Variants in ROBO1 observed in about 807,000 individuals in gnomAD.
ROBO1 encodes roundabout guidance receptor 1.
Under a neutral mutation model 195.9 loss-of-function variants are expected in ROBO1, and 149 were observed. The observed-to-expected ratio is 0.76, with a 90% confidence interval of 0.67 to 0.87. ROBO1 has a LOEUF of 0.87. Among genes scored for constraint, ROBO1 ranks in the 40% least tolerant of loss-of-function variants. ROBO1 has a pLI of 0.00. For synonymous variants in ROBO1, 816 were observed against 733.2 expected (o/e 1.11, Z -1.82); for missense variants, 1,933 against 2,068.3 (o/e 0.93, Z 1.27).
chr3:79,428,821 C>T (rs2038558299), intron 2 of ROBO1, among the ~76,000 whole-genome samples: 1 of 151,460 alleles, frequency 6.6e-6, no homozygotes, highest in Non-Finnish European at 1.5e-5. Flanking sequence ...ACATGCAACA[C>T]CATGGATGGA....
intron 3 of ROBO1, among the ~76,000 whole-genome samples, chr3:79,017,726 C>A (rs1315518682): frequency 6.6e-6 from 1 of 152,050 alleles, no homozygotes; most frequent in Non-Finnish European, 1.5e-5. Flanking sequence ...TCCTAAACAT[C>A]CCAAATTCAG....
chr3:79,464,177 G>C (rs937802526), intron 2 of ROBO1, among the ~76,000 whole-genome samples: 1 of 152,120 alleles, frequency 6.6e-6, no homozygotes, highest in African/African-American at 2.4e-5. Context: ...CCAGTTAATT[G>C]ATACTTGGGT....
At chr3:78,772,433 A>G (rs957589452) in intron 4 of ROBO1, among the ~76,000 whole-genome samples, 2 of 152,146 alleles carry the variant, frequency 1.3e-5, no homozygotes, top group African/African-American at 4.8e-5. Flanking sequence ...AAAAGGACGT[A>G]ACTAAAAATA....
chr3:78,699,475 A>G (rs2081372848), intron 8 of ROBO1, among the ~76,000 whole-genome samples: 2 of 149,808 alleles, frequency 1.3e-5, no homozygotes, highest in Admixed American at 6.7e-5. Context: ...AGGCTGAGGT[A>G]GGAGAATTGC....
At position 78,659,947 on chromosome 3, in the gene ROBO1, G is replaced by A. The variant is rs1707287892; in HGVS notation, c.2321-140C>T. The A allele has an allele frequency of 1.0e-5, 5 of 500,792 alleles. 1 individual carries two copies. In the South Asian group the frequency reaches 1.3e-4, roughly 13 times the overall value. The allele number at this position is 500,792 out of a possible 1,614,324, so 31.0% of individuals were successfully genotyped here. A position where few individuals can be genotyped will look rare whatever the true frequency, so the allele number is the denominator to read the frequency against. On this transcript the variant is annotated intron_variant, in intron 16 of 30. Transcript: ENST00000464233. ...TTTTTTTTTTTTTTTTTGAGACGGA[G>A]GCTCGCTCTGTCATCTAGGCTGTAG...
intron 22 of ROBO1, among the ~76,000 whole-genome samples, chr3:78,638,201 GTGTGTATATATA>G (rs1559679757): frequency 3.6e-5 from 5 of 139,670 alleles, no homozygotes; most frequent in African/African-American, 1.3e-4. Flanking sequence ...ATGTGTGTAT[GTGTGTATATATA>G]TACACTTATA....
intron 2 of ROBO1, among the ~76,000 whole-genome samples, chr3:79,486,791 A>C (rs1033694498): frequency 2.0e-5 from 3 of 152,134 alleles, no homozygotes; most frequent in African/African-American, 7.2e-5. Flanking sequence ...AAATAAAAAG[A>C]AGCAAATATC....
chr3:79,197,883 G>GT (rs71631638), intron 2 of ROBO1, among the ~76,000 whole-genome samples: 10,066 of 145,226 alleles, frequency 0.069, 454 homozygotes, highest in Non-Finnish European at 0.11. Context: ...TTTTTGATGG[G>GT]TTTTTTTTTT....
In ROBO1 at chr3:78,606,788, A is replaced by C; in HGVS notation, c.4689T>G (p.Arg1563=). The change falls in exon 29 of 31, where the codon CGT becomes CGG. Residue 1563 remains arginine (R), a synonymous_variant. Transcript: ENST00000464233. ...AQEQQNDGKG[R]GNKAAKRDLP... ...GGTCTCGTTTTGCTGCCTTGTTTCC[A>C]CGTCCTTTCCCGTCATTTTGCTGTT... 1.2e-6 allele frequency: 2 copies of C among 1,613,846 alleles called. No homozygotes were observed. Among genetic ancestry groups the C allele is most frequent in the Non-Finnish European group, 1.7e-6 (2 of 1,179,854 alleles).
At chr3:79,688,439 C>T (rs1947199532) in intron 1 of ROBO1, among the ~76,000 whole-genome samples, 1 of 152,028 alleles carries the variant, frequency 6.6e-6, no homozygotes, top group Admixed American at 6.6e-5. Flanking sequence ...CCAGTTTTTG[C>T]AAGACTTTGA....
intron 1 of ROBO1, among the ~76,000 whole-genome samples, chr3:79,712,920 G>T (rs965521825): frequency 6.6e-6 from 1 of 151,958 alleles, no homozygotes; most frequent in Non-Finnish European, 1.5e-5. Flanking sequence ...TTATAGCATG[G>T]TTTACTGAGT....
chr3:78,933,529 A>C (rs1325092534), intron 4 of ROBO1, among the ~76,000 whole-genome samples: 1 of 152,092 alleles, frequency 6.6e-6, no homozygotes, highest in African/African-American at 2.4e-5. Flanking sequence ...GGATGCAACA[A>C]GTGGACTGAT....
At chr3:79,044,268 A>T (rs2078548028) in intron 3 of ROBO1, among the ~76,000 whole-genome samples, 1 of 152,000 alleles carries the variant, frequency 6.6e-6, no homozygotes, top group Admixed American at 6.6e-5. Context: ...TAGATGTTTT[A>T]AAAATGCTTA....
intron 1 of ROBO1, among the ~76,000 whole-genome samples, chr3:79,595,364 C>T (rs1256440215): frequency 4.6e-5 from 7 of 151,950 alleles, no homozygotes; most frequent in Admixed American, 3.9e-4. Flanking sequence ...TCTTTGAGCA[C>T]GAATTTCGTA....
intron 1 of ROBO1, among the ~76,000 whole-genome samples, chr3:79,632,600 C>T (rs1358814333): frequency 6.6e-6 from 1 of 152,078 alleles, no homozygotes; most frequent in Non-Finnish European, 1.5e-5. Context: ...TGTTCCAAAC[C>T]TGCAAATGTA....
intron 3 of ROBO1, among the ~76,000 whole-genome samples, chr3:79,000,887 A>T (rs1204538270): frequency 6.6e-6 from 1 of 152,164 alleles, no homozygotes; most frequent in African/African-American, 2.4e-5. Flanking sequence ...CCCATCAATG[A>T]TAGACTGGAT....
At position 79,307,426 on chromosome 3, in the gene ROBO1, C is replaced by T. The variant is rs573998659; in HGVS notation, c.89-181887G>A. On this transcript the variant is annotated intron_variant, in intron 2 of 30. Transcript: ENST00000464233. ...AAAAACAACTCTAAAGTGTACTGCT[C>T]AGAAAATAGTGCAATGCCTTTTAAA... 2.0e-5 allele frequency among the ~76,000 whole-genome samples: 3 copies of T among 152,196 alleles called. No homozygotes were observed. In the South Asian group the frequency reaches 6.2e-4, roughly 32 times the overall value.
At chr3:79,335,168 T>G (rs1172336210) in intron 2 of ROBO1, among the ~76,000 whole-genome samples, 15 of 152,168 alleles carry the variant, frequency 9.9e-5, no homozygotes, top group Admixed American at 7.9e-4. Context: ...ATTTTAGATG[T>G]ATCAGAATTC....
At chr3:78,946,552 C>T (rs1267060736) in intron 3 of ROBO1, among the ~76,000 whole-genome samples, 3 of 152,192 alleles carry the variant, frequency 2.0e-5, no homozygotes, top group Non-Finnish European at 2.9e-5. Context: ...CAACTGGTAA[C>T]AGCCACTGCA....
Sources: allele counts gnomAD v4.1 joint callset (sites outside exome capture counted in the v4.1 genomes callset), GRCh38; gene constraint gnomAD v4.1.1; transcripts MANE v1.5; gene names NCBI Gene and HGNC (gene_info 2026-07-23, HGNC 2026-07-21).